VPS35L: variants seen among roughly 807,000 people sequenced by gnomAD.
VPS35L encodes VPS35 endosomal protein-sorting factor-like.
A neutral mutation model predicts 133.0 loss-of-function variants in VPS35L; 83 were observed. That is an observed-to-expected ratio of 0.62 (90% CI 0.52 to 0.75). VPS35L has a LOEUF of 0.75. VPS35L is among the 30% of genes least tolerant of loss of function. VPS35L has a pLI of 0.00. For synonymous variants in VPS35L, 423 were observed against 449.9 expected (o/e 0.94, Z 0.76); for missense variants, 1,083 against 1,206.8 (o/e 0.90, Z 1.52).
chr16:19,624,050 C>T (rs987651152), intron 14 of VPS35L, among the ~76,000 whole-genome samples: 1 of 150,052 alleles, frequency 6.7e-6, no homozygotes, highest in Non-Finnish European at 1.5e-5. Context: ...GCCATCTGTC[C>T]CCATCAGCCT....
chr16:19,624,272 C>T (rs1264623937), intron 14 of VPS35L, among the ~76,000 whole-genome samples: 1 of 151,838 alleles, frequency 6.6e-6, no homozygotes, highest in African/African-American at 2.4e-5. Flanking sequence ...CGTACCACCA[C>T]ACCCAGCTAA....
intron 29 of VPS35L, chr16:19,693,988 G>A (rs940667531): frequency 1.3e-5 from 2 of 150,972 alleles, no homozygotes; most frequent in African/African-American, 2.4e-5. Context: ...AAAAAAGGGG[G>A]AATAAAAGGG....
chr16:19,627,844 G>A (rs1333762283), intron 16 of VPS35L, 39 bp downstream of exon 16: 9 of 1,484,922 alleles, frequency 6.1e-6, no homozygotes, highest in African/African-American at 1.4e-5. Flanking sequence ...ACACAAATAA[G>A]CGGTGTGTAT....
At chr16:19,652,973 AG>A (rs1795824657) in intron 26 of VPS35L, among the ~76,000 whole-genome samples, 1 of 152,220 alleles carries the variant, frequency 6.6e-6, no homozygotes, top group African/African-American at 2.4e-5. Flanking sequence ...GAGATGAGAC[AG>A]GGAAGGAAAG....
At chr16:19,562,557 T>C (rs915662784) in intron 1 of VPS35L, among the ~76,000 whole-genome samples, 21 of 152,176 alleles carry the variant, frequency 1.4e-4, no homozygotes, top group Non-Finnish European at 2.1e-4. Context: ...GTTCTGTGAC[T>C]ATGGTAGCTT....
At chr16:19,620,823 C>T (rs941707761) in intron 14 of VPS35L, among the ~76,000 whole-genome samples, 3 of 151,960 alleles carry the variant, frequency 2.0e-5, no homozygotes, top group South Asian at 2.1e-4. Flanking sequence ...TGGTGGCATG[C>T]GCCTGTAATC....
At chr16:19,687,359 T>G (rs929433345) in intron 28 of VPS35L, among the ~76,000 whole-genome samples, 1 of 152,226 alleles carries the variant, frequency 6.6e-6, no homozygotes, top group Non-Finnish European at 1.5e-5. Flanking sequence ...GCTGCAGTTT[T>G]GCTGCCCTGC....
At position 19,616,068 on chromosome 16, in the gene VPS35L, CTA is replaced by C. The variant is rs758353695; in HGVS notation, c.1024-43_1024-42del. The C allele has an allele frequency of 9.5e-6, 14 of 1,472,640 alleles. No homozygotes were observed. In the African/African-American group the frequency reaches 1.8e-4, roughly 19 times the overall value. 91.2% of individuals were successfully genotyped at this position (1,472,640 alleles called of 1,614,324 possible). Reference sequence around the variant, plus strand: ...TTTAATTTCCAAAAATAAAATCATACTATAGTCATTATTTGCAACCAGTTTTT... The same window carrying C: ...TTTAATTTCCAAAAATAAAATCATACTAGTCATTATTTGCAACCAGTTTTT... On this transcript the variant is annotated intron_variant, in intron 12 of 30. Coordinates refer to ENST00000417362, the MANE Select transcript of VPS35L (RefSeq NM_020314.7).
chr16:19,586,020 C>A (rs1971852827), intron 7 of VPS35L, among the ~76,000 whole-genome samples: 1 of 152,052 alleles, frequency 6.6e-6, no homozygotes, highest in Non-Finnish European at 1.5e-5. Context: ...ACCTCAGCCT[C>A]CCCAGTAGCT....
chr16:19,615,326 C>T (rs1972849611), intron 12 of VPS35L, among the ~76,000 whole-genome samples: 1 of 152,122 alleles, frequency 6.6e-6, no homozygotes, highest in Non-Finnish European at 1.5e-5. Flanking sequence ...CTTCTGTGGT[C>T]TTTCTTATAA....
intron 3 of VPS35L, among the ~76,000 whole-genome samples, chr16:19,570,969 G>C (rs1010476777): frequency 6.7e-6 from 1 of 149,430 alleles, no homozygotes; most frequent in African/African-American, 2.5e-5. Flanking sequence ...CACCTCCCAG[G>C]TTCAAGCGAT....
At chr16:19,570,210 C>T (rs1160815003) in intron 3 of VPS35L, among the ~76,000 whole-genome samples, 1 of 152,046 alleles carries the variant, frequency 6.6e-6, no homozygotes, top group African/African-American at 2.4e-5. Context: ...GACAGGCATG[C>T]ACCACCATGC....
chr16:19,641,307 T>G (rs1008459990), intron 21 of VPS35L, among the ~76,000 whole-genome samples: 16 of 152,128 alleles, frequency 1.1e-4, no homozygotes, highest in Admixed American at 3.9e-4. Context: ...CCTCAAGTGA[T>G]CCACCCGCCT....
At position 19,669,166 on chromosome 16, in the gene VPS35L, CT is replaced by C; in HGVS notation, c.2234del (p.Phe745SerfsTer5). 6 of 1,602,208 alleles carry C rather than the reference CT, an allele frequency of 3.7e-6. No individual in the cohort carries two copies. Among genetic ancestry groups the C allele is most frequent in the Non-Finnish European group, 4.3e-6 (5 of 1,171,938 alleles). On this transcript the variant is annotated frameshift_variant, in exon 27 of 31. Coordinates refer to ENST00000417362, the MANE Select transcript of VPS35L (RefSeq NM_020314.7). LOFTEE classifies it high-confidence loss of function. ...TTTATCTTCTGTCTTGCAGCTGATG[CT>C]TTTTTCAAAGCCGCTATAAGCCTTG... ...LANQCLSQAD[A>X]FFKAAISLVP...
At chr16:19,586,449 C>T (rs1289369806) in intron 7 of VPS35L, among the ~76,000 whole-genome samples, 1 of 152,156 alleles carries the variant, frequency 6.6e-6, no homozygotes, top group Non-Finnish European at 1.5e-5. Context: ...CACCGATTCT[C>T]GTACCTCAGC....
intron 9 of VPS35L, among the ~76,000 whole-genome samples, chr16:19,602,947 T>C (rs1972431688): frequency 6.6e-6 from 1 of 151,344 alleles, no homozygotes; most frequent in African/African-American, 2.4e-5. Context: ...TTCATCTTTG[T>C]AGACACGGGG....
At position 19,639,416 on chromosome 16, in the gene VPS35L, A is replaced by G. The variant is rs1973717839; in HGVS notation, c.1699-599A>G. Reference sequence around the variant, plus strand: ...AGACTGAAGTCTGCCTTGCCCAGAAAAGCTTGTGGTCATCAAAGGTTGCCT... The same window carrying G: ...AGACTGAAGTCTGCCTTGCCCAGAAGAGCTTGTGGTCATCAAAGGTTGCCT... On this transcript the variant is annotated intron_variant, in intron 20 of 30. Coordinates refer to ENST00000417362, the MANE Select transcript of VPS35L (RefSeq NM_020314.7). This position sits in a 1 kb window ranked among gnomAD's most constrained non-coding sequence, Gnocchi z 4.1. Among the ~76,000 whole-genome samples the G allele has an allele frequency of 6.6e-6, 1 of 152,162 alleles. No homozygotes were observed. Among genetic ancestry groups the G allele is most frequent in the Non-Finnish European group, 1.5e-5 (1 of 68,020 alleles).
At chr16:19,650,294 A>G (rs1489269053) in intron 24 of VPS35L, 88 bp from the exon 25 acceptor site, 6 of 1,064,272 alleles carry the variant, frequency 5.6e-6, no homozygotes, top group African/African-American at 3.1e-5. Flanking sequence ...ATTGACCTGT[A>G]TGTAGTTAAT....
At chr16:19,672,466 A>T (rs912238504) in intron 27 of VPS35L, among the ~76,000 whole-genome samples, 3 of 152,232 alleles carry the variant, frequency 2.0e-5, no homozygotes, top group Non-Finnish European at 2.9e-5. Flanking sequence ...TGTACATTTT[A>T]GCAGGTATAC....
Sources: gnomAD v4.1 joint callset for allele counts (sites outside exome capture counted in the v4.1 genomes callset) on GRCh38, gnomAD v4.1.1 for gene constraint, Gnocchi (gnomAD v3.1) non-coding constraint, MANE v1.5 for transcripts, NCBI Gene and HGNC (gene_info 2026-07-23, HGNC 2026-07-21) for gene names.